Variants in STXBP2 observed in about 807,000 individuals in gnomAD.
The protein encoded by STXBP2 is syntaxin-binding protein 2.
A neutral mutation model predicts 72.2 loss-of-function variants in STXBP2; 47 were observed. That is an observed-to-expected ratio of 0.65 (90% CI 0.51 to 0.83). The LOEUF (loss-of-function observed/expected upper bound fraction) is 0.83. Among genes scored for constraint, STXBP2 ranks in the 40% least tolerant of loss-of-function variants. The probability of loss-of-function intolerance (pLI) is 0.00; values close to 1 mark genes in which losing one functional copy is unlikely to be tolerated. For synonymous variants in STXBP2, 367 were observed against 338.7 expected, an observed-to-expected ratio of 1.08 and a Z score of -0.92; for missense variants, 702 against 807.6, an observed-to-expected ratio of 0.87 and a Z score of 1.58.
At chr19:7,646,973 G>T (rs1599407514) in intron 16 of STXBP2, 189 bp from the exon 17 acceptor site, 2 of 617,764 alleles carry the variant, frequency 3.2e-6, no homozygotes, top group South Asian at 3.9e-5. Flanking sequence ...TCCCCAGTGA[G>T]TTATGGATCT....
chr19:7,645,077 C>T, intron 14 of STXBP2, 120 bp from the exon 15 acceptor site: 1 of 1,458,334 alleles, frequency 6.9e-7, no homozygotes, highest in South Asian at 1.2e-5. Context: ...GTACTGAGGC[C>T]CTCCCCACTG....
Position 7,647,445 on chromosome 19 carries a change from A to T in STXBP2, c.1630A>T (p.Met544Leu). The change falls in exon 18 of 19, where the codon ATG becomes TTG. Residue 544 changes from methionine (M) to leucine (L), a missense_variant. Met to Leu is a conservative substitution (Grantham distance 15). Coordinates refer to ENST00000221283, the MANE Select transcript of STXBP2 (RefSeq NM_006949.4). ...LIVYVMGGVA[M>L]SEMRAAYEVT... ...CGTGTATGTCATGGGCGGTGTGGCC[A>T]TGTCAGAGATGAGGGCCGCCTACGA... 6.2e-7 allele frequency: 1 copy of T among 1,613,278 alleles called. No homozygotes were observed. The highest frequency in any genetic ancestry group is 8.5e-7 in the Non-Finnish European group (1 of 1,179,790).
intron 7 of STXBP2, 46 bp from the exon 8 acceptor site, chr19:7,641,988 G>T (rs2031902740): frequency 6.2e-7 from 1 of 1,610,816 alleles, no homozygotes; most frequent in African/African-American, 1.3e-5. Context: ...ACCCATCCTT[G>T]ACCCCATCCC....
intron 13 of STXBP2, among the ~76,000 whole-genome samples, chr19:7,643,575 G>C (rs1463423552): frequency 6.6e-6 from 1 of 152,006 alleles, no homozygotes; most frequent in Non-Finnish European, 1.5e-5. Flanking sequence ...CAGGGCCTTG[G>C]AGAGGTGCGA....
the STXBP2 span, chr19:7,631,452 C>T: frequency 9.1e-6 from 14 of 1,530,766 alleles, no homozygotes; most frequent in Non-Finnish European, 1.1e-5. Flanking sequence ...CTTCCTGTCC[C>T]ACCCGCTTCT....
At chr19:7,631,246 C>T in the STXBP2 span, 1 of 1,412,974 alleles carries the variant, frequency 7.1e-7, no homozygotes, top group Non-Finnish European at 9.2e-7. Flanking sequence ...GAGTAAGGAA[C>T]CGAGAGCAGA....
At chr19:7,643,325 G>A in intron 13 of STXBP2, 80 bp downstream of exon 13, 1 of 1,428,298 alleles carries the variant, frequency 7.0e-7, no homozygotes. Flanking sequence ...TGTAGAGATG[G>A]GGGGTTCTGG....
Position 7,642,162 on chromosome 19 carries a change from T to A in STXBP2, c.664-41T>A, listed in dbSNP as rs945422063. The A allele has an allele frequency of 5.0e-6, 8 of 1,613,984 alleles. No individual in the cohort carries two copies. Among genetic ancestry groups the A allele is most frequent in the Non-Finnish European group, 6.8e-6 (8 of 1,179,956 alleles). Reference sequence around the variant, plus strand: ...GAGGTGAGGGGCAGCCCCAACCGGCTCAGGGTCAGTGCCTCATTCCTGCCC... The same window carrying A: ...GAGGTGAGGGGCAGCCCCAACCGGCACAGGGTCAGTGCCTCATTCCTGCCC... On this transcript the variant is annotated intron_variant, in intron 8 of 18. Coordinates refer to ENST00000221283, the MANE Select transcript of STXBP2 (RefSeq NM_006949.4). This position sits in a 1 kb window ranked among gnomAD's most constrained non-coding sequence, Gnocchi z 6.0.
chr19:7,639,026 T>C lies in STXBP2; in HGVS notation c.95T>C (p.Ile32Thr). The change falls in exon 3 of 19, where the codon ATC (isoleucine) becomes ACC (threonine). Residue 32 changes from isoleucine to threonine, a missense_variant. By Grantham distance (89) the Ile-to-Thr change is moderately conservative (BLOSUM62 -1). Coordinates refer to ENST00000221283, the MANE Select transcript of STXBP2 (RefSeq NM_006949.4). ...VKKDGEWKVL[I>T]MDHPSMRILS... ...GTCCATCCATCTGGACAGGTGCTTATCATGGATCACCCAAGCATGCGCATC... is the reference window on the plus strand; with the variant it reads ...GTCCATCCATCTGGACAGGTGCTTACCATGGATCACCCAAGCATGCGCATC... 6.2e-7 allele frequency: 1 copy of C among 1,614,222 alleles called. No individual in the cohort carries two copies. The highest frequency in any genetic ancestry group is 8.5e-7 in the Non-Finnish European group (1 of 1,180,026).
chr19:7,630,943 C>G, the STXBP2 span: 1 of 1,441,442 alleles, frequency 6.9e-7, no homozygotes, highest in Non-Finnish European at 9.4e-7. Context: ...GGCGCAGTGG[C>G]TCATGCTTGT....
the STXBP2 span, chr19:7,630,036 G>T: frequency 1.2e-6 from 1 of 801,986 alleles, no homozygotes; most frequent in East Asian, 3.0e-5. Flanking sequence ...GGGCTGGGGG[G>T]GTTCTCGGAT....
chr19:7,647,223 C>T lies in STXBP2; in HGVS notation c.1514C>T (p.Thr505Met), dbSNP rs375024471. The change falls in exon 17 of 19, where the codon ACG becomes ATG. Residue 505 changes from threonine to methionine, a missense_variant. Thr to Met is a moderately conservative substitution (Grantham distance 81). Transcript: ENST00000221283. ...CCCTTCGTATCCGACCCCGCCCCCA[C>T]GGCCAGCTCCCAGGCCGCTGTCAGG... is the stretch of plus-strand genomic sequence containing the variant. ...LWPFVSDPAP[T>M]ASSQAAVSAR... is the part of the protein sequence containing the mutation. 9.9e-6 allele frequency: 16 copies of T among 1,611,604 alleles called. No individual in the cohort carries two copies. The highest frequency in any genetic ancestry group is 5.0e-5 in the Admixed American group (3 of 59,988).
intron 15 of STXBP2, 133 bp from the exon 16 acceptor site, chr19:7,646,116 T>G: frequency 1.4e-6 from 1 of 689,794 alleles, no homozygotes; most frequent in Non-Finnish European, 2.6e-6. Flanking sequence ...TCTCTCGCTC[T>G]CTCTCGCTCT....
At chr19:7,636,894 G>C (rs746162452), upstream of STXBP2, 48 of 387,330 alleles carry the variant, frequency 1.2e-4, no homozygotes, top group African/African-American at 1.9e-4. Context: ...GTGTGTGTCT[G>C]AACTCCCATC....
intron 1 of STXBP2, among the ~76,000 whole-genome samples, chr19:7,638,088 A>G (rs1389819049): frequency 6.6e-6 from 1 of 152,172 alleles, no homozygotes; most frequent in Non-Finnish European, 1.5e-5. Context: ...GCAGGTGGGG[A>G]AGCCGAGAGC....
At chr19:7,646,127 C>G (rs1377338774) in intron 15 of STXBP2, 122 bp from the exon 16 acceptor site, 1 of 740,416 alleles carries the variant, frequency 1.4e-6, no homozygotes, top group African/African-American at 1.7e-5. Flanking sequence ...CTCTCGCTCT[C>G]TGTTCCACTT....
upstream of STXBP2, chr19:7,637,025 G>A (rs988842792): frequency 1.1e-5 from 12 of 1,090,448 alleles, no homozygotes; most frequent in African/African-American, 1.6e-4. Flanking sequence ...CCGACGGCGG[G>A]GAGGGGCCAG....
At chr19:7,644,458 C>G in intron 13 of STXBP2, 156 bp from the exon 14 acceptor site, 1 of 987,580 alleles carries the variant, frequency 1.0e-6, no homozygotes. Context: ...AGAGACTGTC[C>G]CTGGACAGGG....
the STXBP2 span, chr19:7,630,806 G>A: frequency 2.0e-6 from 3 of 1,537,268 alleles, no homozygotes; most frequent in Non-Finnish European, 2.6e-6. Flanking sequence ...TGTCCCATTT[G>A]TGACTTTTCC....
Sources: allele counts gnomAD v4.1 joint callset (sites outside exome capture counted in the v4.1 genomes callset), GRCh38; gene constraint gnomAD v4.1.1; non-coding constraint Gnocchi (gnomAD v3.1); transcripts MANE v1.5; gene names NCBI Gene and HGNC (gene_info 2026-07-23, HGNC 2026-07-21).